CCDC60: variants seen among roughly 807,000 people sequenced by gnomAD.
CCDC60 encodes coiled-coil domain-containing protein 60.
In CCDC60, 54 loss-of-function variants were observed where a neutral mutation model predicts 63.5. The observed-to-expected ratio is 0.85, with a 90% CI of 0.68 to 1.07. CCDC60 has a LOEUF of 1.07. Among genes scored for constraint, CCDC60 ranks in the 50% least tolerant of loss-of-function variants. The pLI is 0.00. For synonymous variants in CCDC60, 206 were observed against 238.8 expected (o/e 0.86, Z 1.27); for missense variants, 651 against 684.3 (o/e 0.95, Z 0.54).
chr12:119,514,439 T>C, intron 7 of CCDC60, among the ~76,000 whole-genome samples: 1 of 151,436 alleles, frequency 6.6e-6, no homozygotes, highest in East Asian at 1.9e-4. Flanking sequence ...TCCACCCACC[T>C]CAGCCTCCCA....
chr12:119,510,419 C>A (rs2136453097), intron 7 of CCDC60, among the ~76,000 whole-genome samples: 1 of 152,220 alleles, frequency 6.6e-6, no homozygotes, highest in South Asian at 2.1e-4. Flanking sequence ...CCTTCAAGAC[C>A]CAGTTCAAAT....
intron 2 of CCDC60, among the ~76,000 whole-genome samples, chr12:119,436,676 T>A (rs1296244839): frequency 6.6e-6 from 1 of 151,874 alleles, no homozygotes; most frequent in African/African-American, 2.4e-5. Context: ...GTAGCTGGGA[T>A]TACAGGTGTG....
chr12:119,421,041 T>C (rs571770518), intron 1 of CCDC60, among the ~76,000 whole-genome samples: 5 of 139,564 alleles, frequency 3.6e-5, no homozygotes, highest in Non-Finnish European at 7.6e-5. Context: ...CAGCCTCCCT[T>C]CCCCGCTCAC....
At chr12:119,489,280 C>A (rs953799414) in intron 5 of CCDC60, among the ~76,000 whole-genome samples, 3 of 152,192 alleles carry the variant, frequency 2.0e-5, no homozygotes, top group African/African-American at 7.2e-5. Flanking sequence ...TCCTTTCCCT[C>A]CCTTTTAATC....
chr12:119,413,174 T>C (rs569564779), intron 1 of CCDC60, among the ~76,000 whole-genome samples: 1 of 152,302 alleles, frequency 6.6e-6, no homozygotes, highest in African/African-American at 2.4e-5. Context: ...ATGAGATTAA[T>C]GCATTTGATT....
chr12:119,360,499 G>C (rs1253161409), intron 1 of CCDC60, among the ~76,000 whole-genome samples: 1 of 151,166 alleles, frequency 6.6e-6, no homozygotes, highest in Non-Finnish European at 1.5e-5. Flanking sequence ...CTCAGATGGG[G>C]CGGCTGCCGG....
chr12:119,515,508 A>AG (rs1306000641), intron 7 of CCDC60, among the ~76,000 whole-genome samples: 1 of 152,084 alleles, frequency 6.6e-6, no homozygotes, highest in Non-Finnish European at 1.5e-5. Flanking sequence ...TTTTTGTTTT[A>AG]GTAGAAATGG....
chr12:119,351,356 C>T (rs1374590173), intron 1 of CCDC60, among the ~76,000 whole-genome samples: 1 of 152,166 alleles, frequency 6.6e-6, no homozygotes, highest in Non-Finnish European at 1.5e-5. Flanking sequence ...TCAGTCCATA[C>T]CATCTGTATT....
At chr12:119,521,269 AAGTTAGTT>A (rs1952521277) in intron 9 of CCDC60, among the ~76,000 whole-genome samples, 1 of 152,184 alleles carries the variant, frequency 6.6e-6, no homozygotes, top group African/African-American at 2.4e-5. Context: ...TTTTGGTTGA[AAGTTAGTT>A]CAACTAAAGA....
At chr12:119,344,873 A>T (rs1202299561) in intron 1 of CCDC60, among the ~76,000 whole-genome samples, 2 of 150,486 alleles carry the variant, frequency 1.3e-5, no homozygotes, top group South Asian at 2.1e-4. Flanking sequence ...ACACACACAC[A>T]CACACACACA....
At chr12:119,436,243 G>T (rs991833026) in intron 2 of CCDC60, among the ~76,000 whole-genome samples, 1 of 152,106 alleles carries the variant, frequency 6.6e-6, no homozygotes, top group African/African-American at 2.4e-5. Context: ...CACTGGCCTT[G>T]GAGACATGAG....
chr12:119,471,389 G>C (rs1403338897), intron 2 of CCDC60, among the ~76,000 whole-genome samples: 1 of 152,214 alleles, frequency 6.6e-6, no homozygotes, highest in African/African-American at 2.4e-5. Flanking sequence ...TTTAGTGCCT[G>C]CTATGCCATT....
chr12:119,346,772 TTC>T lies in CCDC60; in HGVS notation c.90+11510_90+11511del, dbSNP rs748031979. On this transcript the variant is annotated intron_variant, in intron 1 of 13. Coordinates refer to ENST00000327554, the MANE Select transcript of CCDC60 (RefSeq NM_178499.5). Reference sequence around the variant, plus strand: ...ACCTGCATGTGGCTTAGACTCATCTTTCTCTTTCTTTCTTTCTTTCTTTCTTT... The same window carrying T: ...ACCTGCATGTGGCTTAGACTCATCTTTCTTTCTTTCTTTCTTTCTTTCTTT... Among the ~76,000 whole-genome samples, 452 of 144,112 alleles carry T rather than the reference TTC, an allele frequency of 3.1e-3. 2 individuals are homozygous for T. Among genetic ancestry groups the T allele is most frequent in the Non-Finnish European group, 3.9e-3 (257 of 65,770 alleles). 94.5% of individuals were successfully genotyped at this position (144,112 alleles called of 152,430 possible).
chr12:119,494,779 G>A (rs750958155), intron 5 of CCDC60, among the ~76,000 whole-genome samples: 11 of 152,130 alleles, frequency 7.2e-5, no homozygotes, highest in East Asian at 3.9e-4. Context: ...ACAGGAGTTC[G>A]AGACCAGCCT....
At chr12:119,359,985 T>TC (rs1246315179) in intron 1 of CCDC60, among the ~76,000 whole-genome samples, 5 of 151,784 alleles carry the variant, frequency 3.3e-5, no homozygotes, top group African/African-American at 1.2e-4. Context: ...TCCCCACCTT[T>TC]CCCCCCTTTC....
chr12:119,454,897 T>G (rs1220082459), intron 2 of CCDC60, among the ~76,000 whole-genome samples: 2 of 152,204 alleles, frequency 1.3e-5, no homozygotes, highest in South Asian at 2.1e-4. Context: ...CCTCCGTATT[T>G]GCTTCCATCT....
At chr12:119,354,185 C>A (rs750056024) in intron 1 of CCDC60, among the ~76,000 whole-genome samples, 2 of 151,898 alleles carry the variant, frequency 1.3e-5, no homozygotes, top group African/African-American at 4.8e-5. Flanking sequence ...CCTATGCTTC[C>A]TTTTAGCTTT....
At chr12:119,426,283 CAT>C (rs1956898167) in intron 1 of CCDC60, among the ~76,000 whole-genome samples, 1 of 152,092 alleles carries the variant, frequency 6.6e-6, no homozygotes, top group Non-Finnish European at 1.5e-5. Context: ...CAAAGCCATC[CAT>C]ATGTTTTGTT....
At chr12:119,511,135 A>G (rs925059286) in intron 7 of CCDC60, among the ~76,000 whole-genome samples, 7 of 152,188 alleles carry the variant, frequency 4.6e-5, no homozygotes, top group Non-Finnish European at 1.0e-4. Flanking sequence ...TTGCTACTTT[A>G]GCCTCCCAAA....
Sources: allele counts gnomAD v4.1 joint callset (sites outside exome capture counted in the v4.1 genomes callset), GRCh38; gene constraint gnomAD v4.1.1; transcripts MANE v1.5; gene names NCBI Gene and HGNC (gene_info 2026-07-23, HGNC 2026-07-21).